The following RBFOX3 variants were observed in gnomAD, a reference collection of about 807,000 sequenced individuals.
The protein encoded by RBFOX3 is RNA binding protein fox-1 homolog 3.
In RBFOX3, 17 loss-of-function variants were observed where a neutral mutation model predicts 48.7. The observed-to-expected ratio is 0.35, with a 90% CI of 0.24 to 0.52. The LOEUF (loss-of-function observed/expected upper bound fraction) is 0.52. RBFOX3 is among the 20% of genes least tolerant of loss of function. The pLI, the probability that RBFOX3 is intolerant of heterozygous loss-of-function variation, is 0.94. For synonymous variants in RBFOX3, 212 were observed against 209.5 expected, an observed-to-expected ratio of 1.01 and a Z score of -0.10; for missense variants, 382 against 497.5, an observed-to-expected ratio of 0.77 and a Z score of 2.21.
At chr17:79,545,255 T>C (rs1039127620) in intron 1 of RBFOX3, among the ~76,000 whole-genome samples, 1 of 151,830 alleles carries the variant, frequency 6.6e-6, no homozygotes, top group Non-Finnish European at 1.5e-5. Flanking sequence ...GGGTCCCCAT[T>C]CCCGCCCTCT....
At chr17:79,458,462 C>T (rs1356493571) in intron 2 of RBFOX3, among the ~76,000 whole-genome samples, 1 of 146,236 alleles carries the variant, frequency 6.8e-6, no homozygotes, top group Non-Finnish European at 1.5e-5. Context: ...TGTGTGCATG[C>T]CTGTGTGTGC....
chr17:79,101,714 TC>T, intron 8 of RBFOX3, 70 bp from the exon 9 acceptor site: 1 of 1,368,074 alleles, frequency 7.3e-7, no homozygotes, highest in South Asian at 1.2e-5. Flanking sequence ...TGGCCACTCC[TC>T]CCCGCCCTGC....
intron 2 of RBFOX3, among the ~76,000 whole-genome samples, chr17:79,439,749 TGTGC>T (rs2070442121): frequency 6.6e-6 from 1 of 152,220 alleles, no homozygotes; most frequent in African/African-American, 2.4e-5. Context: ...TATGCACATG[TGTGC>T]GTAAGTGCAA....
intron 4 of RBFOX3, among the ~76,000 whole-genome samples, chr17:79,136,894 T>G (rs1433726694): frequency 2.0e-5 from 3 of 152,096 alleles, no homozygotes; most frequent in Non-Finnish European, 4.4e-5. Flanking sequence ...CTCACAGTCT[T>G]AAGCCAGAGT....
chr17:79,240,004 C>G (rs1380524006), intron 3 of RBFOX3, among the ~76,000 whole-genome samples: 1 of 152,198 alleles, frequency 6.6e-6, no homozygotes, highest in Non-Finnish European at 1.5e-5. Flanking sequence ...CCACCTGGCT[C>G]ACAGTTCAAC....
At chr17:79,359,879 C>T (rs1237383131) in intron 2 of RBFOX3, among the ~76,000 whole-genome samples, 1 of 152,104 alleles carries the variant, frequency 6.6e-6, no homozygotes, top group Non-Finnish European at 1.5e-5. Flanking sequence ...GTGCACGCCA[C>T]CATGCCTGGT....
At chr17:79,547,233 G>C (rs782089324) in intron 1 of RBFOX3, among the ~76,000 whole-genome samples, 1 of 152,136 alleles carries the variant, frequency 6.6e-6, no homozygotes, top group Non-Finnish European at 1.5e-5. Flanking sequence ...TGGATCACGA[G>C]GTCAAGAGTT....
chr17:79,179,640 T>C (rs2051421905), intron 4 of RBFOX3, among the ~76,000 whole-genome samples: 3 of 152,148 alleles, frequency 2.0e-5, no homozygotes, highest in Admixed American at 2.0e-4. Context: ...TATAGGAGAC[T>C]GCAGTTTAAT....
intron 1 of RBFOX3, among the ~76,000 whole-genome samples, chr17:79,548,109 T>C (rs183409441): frequency 4.3e-4 from 66 of 152,346 alleles, no homozygotes; most frequent in African/African-American, 1.4e-3. Context: ...GTCTAGTGTC[T>C]TCTACCTGGG....
At chr17:79,304,479 CAGA>C (rs1277167373) in intron 3 of RBFOX3, among the ~76,000 whole-genome samples, 1 of 149,774 alleles carries the variant, frequency 6.7e-6, no homozygotes, top group East Asian at 2.0e-4. Context: ...CCTGCTTTTG[CAGA>C]AGGATTTTCA....
At chr17:79,354,841 G>A (rs72849656) in intron 2 of RBFOX3, among the ~76,000 whole-genome samples, 21,628 of 152,222 alleles carry the variant, frequency 0.14, 1,739 homozygotes, top group Middle Eastern at 0.21. Flanking sequence ...ACAAGACAAG[G>A]TAGTTTAACA....
intron 4 of RBFOX3, among the ~76,000 whole-genome samples, chr17:79,192,716 C>T (rs1434040704): frequency 6.6e-6 from 1 of 152,164 alleles, no homozygotes; most frequent in African/African-American, 2.4e-5. Context: ...CTGGAGCCGC[C>T]GTGGCTGCCT....
Position 79,321,636 on chromosome 17 carries a change from G to T in RBFOX3, c.-174-13812C>A, listed in dbSNP as rs570708498. Among the ~76,000 whole-genome samples, 6 of 151,774 alleles carry T rather than the reference G, an allele frequency of 4.0e-5. No individual in the cohort carries two copies. In the South Asian group the frequency reaches 1.0e-3, roughly 26 times the overall value. Reference sequence around the variant, plus strand: ...CAGTGAGTCTTCAGCAGGCACAGAGGACCCCATAAGGTGCACAGTACAGGA... The same window carrying T: ...CAGTGAGTCTTCAGCAGGCACAGAGTACCCCATAAGGTGCACAGTACAGGA... On this transcript the variant is annotated intron_variant, in intron 2 of 14. Transcript: ENST00000693108.
chr17:79,564,986 G>A (rs1356738565), intron 1 of RBFOX3, among the ~76,000 whole-genome samples: 1 of 145,242 alleles, frequency 6.9e-6, no homozygotes, highest in Non-Finnish European at 1.5e-5. Flanking sequence ...GTTGCAGTGA[G>A]CAGAGATCAC....
chr17:79,350,416 T>C (rs117017933), intron 2 of RBFOX3, among the ~76,000 whole-genome samples: 1,563 of 152,336 alleles, frequency 0.01, 35 homozygotes, highest in African/African-American at 0.034. Context: ...GACTGATACA[T>C]CCTGTGACTA....
At chr17:79,548,148 C>A (rs941020458) in intron 1 of RBFOX3, among the ~76,000 whole-genome samples, 1 of 152,382 alleles carries the variant, frequency 6.6e-6, no homozygotes, top group East Asian at 1.9e-4. Context: ...ACGGGCTGTG[C>A]CTCCCTTAAA....
intron 3 of RBFOX3, among the ~76,000 whole-genome samples, chr17:79,275,417 C>T (rs1006628771): frequency 6.6e-6 from 1 of 152,174 alleles, no homozygotes; most frequent in Non-Finnish European, 1.5e-5. Context: ...GCTGAGCACT[C>T]ACGTGATCAT....
intron 2 of RBFOX3, among the ~76,000 whole-genome samples, chr17:79,397,070 C>T (rs974788037): frequency 2.0e-5 from 3 of 152,242 alleles, no homozygotes; most frequent in Non-Finnish European, 4.4e-5. Context: ...TAAAGAAATA[C>T]AGCTTTGTCA....
At chr17:79,379,973 C>G (rs1326495337) in intron 2 of RBFOX3, among the ~76,000 whole-genome samples, 1 of 152,188 alleles carries the variant, frequency 6.6e-6, no homozygotes, top group Non-Finnish European at 1.5e-5. Flanking sequence ...CCCTCCCTGT[C>G]CGCACATCCC....
Sources: gnomAD v4.1 joint callset for allele counts (sites outside exome capture counted in the v4.1 genomes callset) on GRCh38, gnomAD v4.1.1 for gene constraint, MANE v1.5 for transcripts, NCBI Gene and HGNC (gene_info 2026-07-23, HGNC 2026-07-21) for gene names.